KCNH1: variants seen among roughly 807,000 people sequenced by gnomAD.
The protein encoded by KCNH1 is voltage-gated delayed rectifier potassium channel KCNH1.
In KCNH1, 27 loss-of-function variants were observed where a neutral mutation model predicts 69.2. The observed-to-expected ratio is 0.39, with a 90% CI of 0.29 to 0.54. The LOEUF is 0.54. Ranked by LOEUF, KCNH1 falls within the 20% of genes least tolerant of loss-of-function variation. The pLI, the probability that KCNH1 is intolerant of heterozygous loss-of-function variation, is 0.68. For missense variants in KCNH1, 798 were observed against 1,261.6 expected (o/e 0.63, Z 5.57); for synonymous variants, 456 against 487.7 (o/e 0.93, Z 0.86).
intron 5 of KCNH1, among the ~76,000 whole-genome samples, chr1:211,067,563 T>G (rs539260461): frequency 1.6e-4 from 25 of 152,324 alleles, no homozygotes; most frequent in Non-Finnish European, 1.5e-4. Flanking sequence ...GTTAGCTCTG[T>G]GTCTGCATCT....
chr1:211,015,270 T>G (rs1169136420), intron 6 of KCNH1, among the ~76,000 whole-genome samples: 1 of 152,226 alleles, frequency 6.6e-6, no homozygotes, highest in African/African-American at 2.4e-5. Flanking sequence ...TTGACTCAAC[T>G]GTCCTTCATT....
At chr1:211,001,419 AT>A (rs1405139711) in intron 6 of KCNH1, among the ~76,000 whole-genome samples, 111 of 152,384 alleles carry the variant, frequency 7.3e-4, no homozygotes, top group African/African-American at 2.5e-3. Context: ...AAAAATGCTC[AT>A]CATCACTGGC....
intron 7 of KCNH1, among the ~76,000 whole-genome samples, chr1:210,825,078 C>T (rs1685007419): frequency 6.6e-6 from 1 of 152,176 alleles, no homozygotes; most frequent in Non-Finnish European, 1.5e-5. Flanking sequence ...TCATTGGCAA[C>T]AAATACTTTC....
rs971822265 is a variant in KCNH1, at chr1:210,943,686, T to C, written c.1033-23617A>G. 5.3e-5 allele frequency among the ~76,000 whole-genome samples: 8 copies of C among 152,270 alleles called. No homozygotes were observed. The South Asian group carries it at 1.7e-3, about 32-fold the overall frequency. On this transcript the variant is annotated intron_variant, in intron 6 of 10. Coordinates refer to ENST00000271751, the MANE Select transcript of KCNH1 (RefSeq NM_172362.3). ...CTTTTTAAGCAGTGAGCAGGTTGCATATAAGCACCAAGTGGCAGAATGAAA... is the reference window on the plus strand; with the variant it reads ...CTTTTTAAGCAGTGAGCAGGTTGCACATAAGCACCAAGTGGCAGAATGAAA...
At position 210,861,278 on chromosome 1, in the gene KCNH1, G is replaced by C. The variant is rs550679199; in HGVS notation, c.1463-57112C>G. ...CAGATTCTTCCAGGTGAGAGCATGA[G>C]AAACTCCTTGATTAATAGAATTTAA... On this transcript the variant is annotated intron_variant, in intron 7 of 10. Coordinates refer to ENST00000271751, the MANE Select transcript of KCNH1 (RefSeq NM_172362.3). The C allele has an allele frequency of 1.8e-4, 164 of 913,460 alleles. 2 individuals are homozygous for C. In the Admixed American group the frequency reaches 2.8e-3, roughly 15 times the overall value. 56.6% of individuals were successfully genotyped at this position (913,460 alleles called of 1,614,324 possible).
At chr1:210,997,510 T>C (rs542916898) in intron 6 of KCNH1, among the ~76,000 whole-genome samples, 3 of 152,294 alleles carry the variant, frequency 2.0e-5, no homozygotes, top group African/African-American at 7.2e-5. Context: ...TATGGGACTA[T>C]GTGAAAAGAC....
At chr1:210,849,609 G>A (rs570583358) in intron 7 of KCNH1, among the ~76,000 whole-genome samples, 1 of 151,870 alleles carries the variant, frequency 6.6e-6, no homozygotes, top group South Asian at 2.1e-4. Flanking sequence ...CAGGTGATCC[G>A]CCCACCTCAG....
chr1:210,792,202 CCTT>C (rs1313571875), intron 9 of KCNH1, among the ~76,000 whole-genome samples: 1 of 152,160 alleles, frequency 6.6e-6, no homozygotes, highest in East Asian at 1.9e-4. Context: ...CTCTGGCTCT[CCTT>C]CTACTTCTTT....
chr1:210,718,181 A>G (rs1389276589), intron 10 of KCNH1, among the ~76,000 whole-genome samples: 3 of 146,660 alleles, frequency 2.0e-5, no homozygotes, highest in African/African-American at 5.0e-5. Flanking sequence ...TTAACATAAT[A>G]TGTCCAAAAT....
chr1:210,859,789 T>C lies in KCNH1; in HGVS notation c.1463-55623A>G, dbSNP rs1380181309. 3.9e-6 allele frequency: 4 copies of C among 1,018,452 alleles called. No individual in the cohort carries two copies. The African/African-American group carries it at 6.3e-5, about 16-fold the overall frequency. The allele number at this position is 1,018,452 out of a possible 1,614,324, so 63.1% of individuals were successfully genotyped here. A position where few individuals can be genotyped will look rare whatever the true frequency, so the allele number is the denominator to read the frequency against. ...GAGACTGAGAACACACATCCTTCTGTCATGAAGCCCCAAGAAACAGTCAAC... is the reference window on the plus strand; with the variant it reads ...GAGACTGAGAACACACATCCTTCTGCCATGAAGCCCCAAGAAACAGTCAAC... On this transcript the variant is annotated intron_variant, in intron 7 of 10. Coordinates refer to ENST00000271751, the MANE Select transcript of KCNH1 (RefSeq NM_172362.3).
At chr1:210,877,670 A>G (rs1056647262) in intron 7 of KCNH1, among the ~76,000 whole-genome samples, 1 of 152,196 alleles carries the variant, frequency 6.6e-6, no homozygotes, top group African/African-American at 2.4e-5. Flanking sequence ...ATATCATGGT[A>G]CAACCTTCTG....
chr1:210,930,482 T>C (rs1319021460), intron 6 of KCNH1, among the ~76,000 whole-genome samples: 3 of 152,112 alleles, frequency 2.0e-5, no homozygotes, highest in Non-Finnish European at 2.9e-5. Flanking sequence ...GCAAGCCACA[T>C]GTAGAAGAAT....
At chr1:211,112,515 A>C (rs1272632010) in intron 1 of KCNH1, among the ~76,000 whole-genome samples, 5 of 146,286 alleles carry the variant, frequency 3.4e-5, no homozygotes, top group African/African-American at 8.0e-5. Flanking sequence ...AAAAAAAAAA[A>C]AAAAAAAACA....
intron 10 of KCNH1, among the ~76,000 whole-genome samples, chr1:210,714,989 C>T (rs1325952253): frequency 1.3e-5 from 2 of 152,198 alleles, no homozygotes; most frequent in Non-Finnish European, 1.5e-5. Context: ...GCACAGACTA[C>T]CCATCAGAGA....
chr1:210,872,130 A>T (rs1261017889), intron 7 of KCNH1, among the ~76,000 whole-genome samples: 1 of 150,660 alleles, frequency 6.6e-6, no homozygotes, highest in East Asian at 1.9e-4. Context: ...AGTGGAAAAA[A>T]GCTTAAAGGG....
chr1:210,693,035 C>T (rs919277573), intron 10 of KCNH1, among the ~76,000 whole-genome samples: 1 of 152,186 alleles, frequency 6.6e-6, no homozygotes, highest in African/African-American at 2.4e-5. Context: ...CAGCTGTTCT[C>T]CCTTCTGCTT....
chr1:210,956,499 C>A (rs919049578), intron 6 of KCNH1, among the ~76,000 whole-genome samples: 2 of 144,864 alleles, frequency 1.4e-5, no homozygotes, highest in Admixed American at 1.4e-4. Context: ...CTTTGTACCT[C>A]TGGTAGAATT....
intron 7 of KCNH1, among the ~76,000 whole-genome samples, chr1:210,865,146 A>C (rs1363531646): frequency 6.6e-6 from 1 of 152,218 alleles, no homozygotes; most frequent in Non-Finnish European, 1.5e-5. Flanking sequence ...ATGGAAGGTA[A>C]TGTTAAAGCT....
rs184796069 is a variant in KCNH1, at chr1:210,798,688, T to C, written c.1663-928A>G. ...GTGTCAAGAGTCTAGTCAAGGAATC[T>C]AGTTAGGTCCCTCCTGCAGCTGTCC... On this transcript the variant is annotated intron_variant, in intron 8 of 10. Transcript: ENST00000271751. 1.7e-3 allele frequency among the ~76,000 whole-genome samples: 254 copies of C among 152,280 alleles called. 1 individual carries two copies. Among genetic ancestry groups the C allele is most frequent in the African/African-American group, 5.9e-3 (245 of 41,544 alleles).
Sources: gnomAD v4.1 joint callset for allele counts (sites outside exome capture counted in the v4.1 genomes callset) on GRCh38, gnomAD v4.1.1 for gene constraint, MANE v1.5 for transcripts, NCBI Gene and HGNC (gene_info 2026-07-23, HGNC 2026-07-21) for gene names.